The following DLG2 variants were observed in gnomAD, a reference collection of about 807,000 sequenced individuals.
DLG2 encodes the protein disks large homolog 2.
Under a neutral mutation model 132.5 loss-of-function variants are expected in DLG2, and 45 were observed. That is an observed-to-expected ratio of 0.34 (90% confidence interval 0.27 to 0.44). DLG2 has a LOEUF of 0.44. Ranked by LOEUF, DLG2 falls within the 20% of genes least tolerant of loss-of-function variation. The pLI is 1.00. For missense variants in DLG2, 1,045 were observed against 1,196.9 expected (o/e 0.87, Z 1.87); for synonymous variants, 424 against 419.6 (o/e 1.01, Z -0.13).
At chr11:84,777,485 T>A (rs1184191905) in intron 6 of DLG2, among the ~76,000 whole-genome samples, 2 of 151,358 alleles carry the variant, frequency 1.3e-5, no homozygotes, top group Non-Finnish European at 2.9e-5. Context: ...TTGCTGTATC[T>A]AATAGTAGCT....
chr11:83,763,122 A>T (rs77845918), intron 18 of DLG2, among the ~76,000 whole-genome samples: 2,671 of 152,288 alleles, frequency 0.018, 78 homozygotes, highest in African/African-American at 0.06. Context: ...GGTGCATTAC[A>T]TACTGTTACA....
intron 4 of DLG2, among the ~76,000 whole-genome samples, chr11:85,175,036 G>A (rs1194262709): frequency 6.6e-6 from 1 of 152,032 alleles, no homozygotes; most frequent in East Asian, 1.9e-4. Context: ...TCTACCAGAG[G>A]TACAAAGAAA....
At chr11:84,669,089 G>A (rs779176753) in intron 6 of DLG2, among the ~76,000 whole-genome samples, 2 of 152,092 alleles carry the variant, frequency 1.3e-5, no homozygotes, top group Non-Finnish European at 2.9e-5. Flanking sequence ...GGGTGGCCAG[G>A]GAAGGGCTCA....
intron 18 of DLG2, among the ~76,000 whole-genome samples, chr11:83,704,653 C>G (rs553914563): frequency 5.8e-4 from 60 of 103,248 alleles, no homozygotes; most frequent in African/African-American, 2.5e-3. Context: ...CCCGTCTCTA[C>G]TAAAAAAAAA....
chr11:84,175,733 C>A (rs988307377), intron 8 of DLG2, among the ~76,000 whole-genome samples: 3 of 152,146 alleles, frequency 2.0e-5, no homozygotes, highest in African/African-American at 7.2e-5. Context: ...TATAGAGCCA[C>A]ATCACCCTGC....
chr11:84,506,625 G>T (rs1440612100), intron 7 of DLG2, among the ~76,000 whole-genome samples: 1 of 152,100 alleles, frequency 6.6e-6, no homozygotes, highest in South Asian at 2.1e-4. Context: ...AGTCCAGTAA[G>T]GGCCATTTTG....
At chr11:83,557,108 T>A (rs552589712) in intron 19 of DLG2, among the ~76,000 whole-genome samples, 4 of 152,226 alleles carry the variant, frequency 2.6e-5, no homozygotes, top group Non-Finnish European at 5.9e-5. Context: ...CCAGTATTTC[T>A]TAGGTGTTTC....
At chr11:85,027,090 A>G (rs2060589825) in intron 6 of DLG2, among the ~76,000 whole-genome samples, 1 of 151,616 alleles carries the variant, frequency 6.6e-6, no homozygotes, top group Non-Finnish European at 1.5e-5. Context: ...GCTAAAAGAA[A>G]GCAGAACTAC....
intron 6 of DLG2, chr11:85,020,684 AT>A: frequency 4.3e-6 from 2 of 460,690 alleles, no homozygotes; most frequent in South Asian, 3.5e-5. Flanking sequence ...AGGATTCCCT[AT>A]TTAATAAATG....
chr11:83,719,429 T>C (rs535542373), intron 18 of DLG2, among the ~76,000 whole-genome samples: 75 of 152,322 alleles, frequency 4.9e-4, no homozygotes, highest in African/African-American at 1.8e-3. Context: ...GGGTACTTTA[T>C]AAAGAGATTA....
chr11:84,895,753 G>C (rs1028565771), intron 6 of DLG2, among the ~76,000 whole-genome samples: 1 of 152,142 alleles, frequency 6.6e-6, no homozygotes, highest in African/African-American at 2.4e-5. Context: ...CTAATGTGAA[G>C]TTATAGTTTG....
chr11:84,756,621 AGTATAC>A (rs2066913800), intron 6 of DLG2, among the ~76,000 whole-genome samples: 1 of 151,860 alleles, frequency 6.6e-6, no homozygotes, highest in East Asian at 1.9e-4. Context: ...TGTAGATTCT[AGTATAC>A]ACAAAGTGGA....
intron 6 of DLG2, among the ~76,000 whole-genome samples, chr11:84,706,309 A>C (rs1448742157): frequency 6.6e-6 from 1 of 151,878 alleles, no homozygotes; most frequent in East Asian, 1.9e-4. Context: ...AAAAGCAACT[A>C]TACAGAGAGT....
chr11:84,706,327 G>A (rs2059777711), intron 6 of DLG2, among the ~76,000 whole-genome samples: 1 of 151,740 alleles, frequency 6.6e-6, no homozygotes, highest in Admixed American at 6.6e-5. Context: ...AGTGCTTTGG[G>A]GGCTCTGAAA....
intron 18 of DLG2, among the ~76,000 whole-genome samples, chr11:83,674,064 C>A (rs1566468409): frequency 6.6e-6 from 1 of 152,114 alleles, no homozygotes; most frequent in Non-Finnish European, 1.5e-5. Context: ...CTAATTGTAG[C>A]CGTAAGTTCT....
At chr11:85,370,748 C>T (rs2084912467) in intron 3 of DLG2, among the ~76,000 whole-genome samples, 1 of 152,128 alleles carries the variant, frequency 6.6e-6, no homozygotes, top group Admixed American at 6.5e-5. Flanking sequence ...TTGAGTACTT[C>T]AGAGGGCCCC....
intron 18 of DLG2, among the ~76,000 whole-genome samples, chr11:83,700,374 G>A (rs2082715453): frequency 6.6e-6 from 1 of 152,150 alleles, no homozygotes; most frequent in South Asian, 2.1e-4. Context: ...GAGACTTAAG[G>A]AGCAAAGAGG....
intron 9 of DLG2, among the ~76,000 whole-genome samples, chr11:84,159,150 A>G (rs759401646): frequency 6.6e-6 from 1 of 152,224 alleles, no homozygotes; most frequent in Admixed American, 6.5e-5. Context: ...TTAGATGCCA[A>G]CCACTCCCTG....
intron 6 of DLG2, among the ~76,000 whole-genome samples, chr11:85,053,042 C>CT (rs1281309507): frequency 1.6e-4 from 24 of 152,170 alleles, no homozygotes; most frequent in African/African-American, 5.8e-4. Context: ...TCTAGTTTGG[C>CT]TTTTATTCTA....
Sources: gnomAD v4.1 joint callset for allele counts (sites outside exome capture counted in the v4.1 genomes callset) on GRCh38, gnomAD v4.1.1 for gene constraint, MANE v1.5 for transcripts, NCBI Gene and HGNC (gene_info 2026-07-23, HGNC 2026-07-21) for gene names.